Variants in SDCCAG8 observed in about 807,000 individuals in gnomAD.
SDCCAG8 encodes serologically defined colon cancer antigen 8.
In SDCCAG8, 74 loss-of-function variants were observed where a neutral mutation model predicts 101.8. That is an observed-to-expected ratio of 0.73 (90% CI 0.60 to 0.88). The LOEUF (loss-of-function observed/expected upper bound fraction) is 0.88. Ranked by LOEUF, SDCCAG8 falls within the 40% of genes least tolerant of loss-of-function variation. The pLI, the probability that SDCCAG8 is intolerant of heterozygous loss-of-function variation, is 0.00. For synonymous variants in SDCCAG8, 281 were observed against 292.9 expected, an observed-to-expected ratio of 0.96 and a Z score of 0.41; for missense variants, 787 against 822.6, an observed-to-expected ratio of 0.96 and a Z score of 0.53.
intron 5 of SDCCAG8, among the ~76,000 whole-genome samples, chr1:243,286,791 G>A (rs1352138940): frequency 6.6e-6 from 1 of 152,188 alleles, no homozygotes; most frequent in Non-Finnish European, 1.5e-5. Context: ...GCTGCATGAT[G>A]TAGCAGAAAA....
intron 13 of SDCCAG8, among the ~76,000 whole-genome samples, chr1:243,406,256 G>C (rs1303474028): frequency 6.6e-6 from 1 of 152,190 alleles, no homozygotes; most frequent in East Asian, 1.9e-4. Context: ...TTATTATTTA[G>C]GGTGATGAAT....
At chr1:243,483,670 C>T (rs1022567040) in intron 16 of SDCCAG8, among the ~76,000 whole-genome samples, 2 of 152,168 alleles carry the variant, frequency 1.3e-5, no homozygotes, top group South Asian at 4.1e-4. Context: ...CTCCGCAGGG[C>T]GCTCCGCCAC....
chr1:243,330,955 C>T (rs1357128774), intron 10 of SDCCAG8, among the ~76,000 whole-genome samples: 1 of 152,142 alleles, frequency 6.6e-6, no homozygotes, highest in Non-Finnish European at 1.5e-5. Context: ...TTAAATCCTG[C>T]CATTCTGTTG....
intron 12 of SDCCAG8, among the ~76,000 whole-genome samples, chr1:243,361,207 G>A (rs1049597063): frequency 6.6e-6 from 1 of 152,164 alleles, no homozygotes; most frequent in Non-Finnish European, 1.5e-5. Context: ...GGTTCTCTGG[G>A]ATATCCTGTG....
intron 13 of SDCCAG8, among the ~76,000 whole-genome samples, chr1:243,415,350 T>C (rs1338751147): frequency 1.3e-5 from 2 of 152,158 alleles, no homozygotes; most frequent in East Asian, 1.9e-4. Context: ...TTCCAGTATC[T>C]CTGGGAAAGA....
chr1:243,435,289 T>C (rs954403305), intron 16 of SDCCAG8, among the ~76,000 whole-genome samples: 1 of 152,230 alleles, frequency 6.6e-6, no homozygotes. Context: ...CATGGGCTAA[T>C]TCCTTAATCT....
chr1:243,284,573 T>C (rs1481165220), intron 4 of SDCCAG8, among the ~76,000 whole-genome samples: 1 of 152,118 alleles, frequency 6.6e-6, no homozygotes, highest in Non-Finnish European at 1.5e-5. Context: ...TTAGACGAGA[T>C]AGCTAGAGGA....
intron 1 of SDCCAG8, among the ~76,000 whole-genome samples, chr1:243,263,938 G>C (rs550175217): frequency 6.6e-6 from 1 of 152,288 alleles, no homozygotes; most frequent in South Asian, 2.1e-4. Flanking sequence ...CTGAGGCCCA[G>C]TCAAGTGTAG....
chr1:243,397,495 A>T (rs930390953), intron 13 of SDCCAG8, among the ~76,000 whole-genome samples: 5 of 152,222 alleles, frequency 3.3e-5, no homozygotes, highest in East Asian at 1.9e-4. Flanking sequence ...TTAACGTTCC[A>T]TTCAAATTTA....
chr1:243,266,310 T>C (rs1484163170), intron 1 of SDCCAG8, among the ~76,000 whole-genome samples: 2 of 150,934 alleles, frequency 1.3e-5, no homozygotes, highest in Non-Finnish European at 2.9e-5. Flanking sequence ...ACTGAATTTT[T>C]TTTTCTTTTT....
intron 16 of SDCCAG8, among the ~76,000 whole-genome samples, chr1:243,447,248 CAAAAAA>C (rs397830130): frequency 9.7e-5 from 4 of 41,380 alleles, no homozygotes; most frequent in African/African-American, 1.3e-4. Flanking sequence ...GACTTCGTCT[CAAAAAA>C]AAAAAAAAAA....
chr1:243,495,260 C>T (rs1440800396), intron 17 of SDCCAG8, among the ~76,000 whole-genome samples: 1 of 152,184 alleles, frequency 6.6e-6, no homozygotes, highest in Non-Finnish European at 1.5e-5. Context: ...CCTCCCTCTC[C>T]CCGCCAAGTC....
At chr1:243,395,930 C>T (rs753678039) in intron 13 of SDCCAG8, among the ~76,000 whole-genome samples, 139 of 151,994 alleles carry the variant, frequency 9.1e-4, no homozygotes, top group Non-Finnish European at 6.8e-4. Flanking sequence ...TTACTTGATA[C>T]AAGCATCTGC....
At chr1:243,382,384 A>G (rs947423984) in intron 13 of SDCCAG8, among the ~76,000 whole-genome samples, 17 of 152,210 alleles carry the variant, frequency 1.1e-4, no homozygotes, top group African/African-American at 3.4e-4. Context: ...TTGTGTGACC[A>G]TTAACTAAGA....
At chr1:243,343,980 T>G (rs974221105) in intron 11 of SDCCAG8, among the ~76,000 whole-genome samples, 2 of 152,246 alleles carry the variant, frequency 1.3e-5, no homozygotes, top group African/African-American at 4.8e-5. Context: ...ATTACTTAAA[T>G]TCCTTAGTTA....
chr1:243,336,411 C>A (rs2075014099), intron 10 of SDCCAG8, among the ~76,000 whole-genome samples: 1 of 152,072 alleles, frequency 6.6e-6, no homozygotes, highest in Admixed American at 6.6e-5. Flanking sequence ...TAAAGAAATA[C>A]CTGAAACTGG....
At chr1:243,343,464 C>T (rs1436173830) in intron 11 of SDCCAG8, among the ~76,000 whole-genome samples, 1 of 152,200 alleles carries the variant, frequency 6.6e-6, no homozygotes, top group Non-Finnish European at 1.5e-5. Context: ...AAACAAAGTT[C>T]TTAGTGTTAA....
At chr1:243,269,610 C>T (rs973213846) in intron 1 of SDCCAG8, among the ~76,000 whole-genome samples, 1 of 151,920 alleles carries the variant, frequency 6.6e-6, no homozygotes, top group African/African-American at 2.4e-5. Context: ...ATGTGGATGT[C>T]TCTTGGTGGG....
In SDCCAG8 at chr1:243,280,572, C is replaced by T. The variant is rs149222165; in HGVS notation, c.421-5700C>T. ...TCTTCTTTTCTAATTTTTTTACACT[C>T]CTTTTGCTGCATCCTTTTAATAAGT... On this transcript the variant is annotated intron_variant, in intron 4 of 17. Transcript: ENST00000366541. Among the ~76,000 whole-genome samples, 51 of 152,146 alleles carry T rather than the reference C, an allele frequency of 3.4e-4. 1 individual carries two copies. In the East Asian group the frequency reaches 6.9e-3, roughly 21 times the overall value.
Sources: gnomAD v4.1 joint callset for allele counts (sites outside exome capture counted in the v4.1 genomes callset) on GRCh38, gnomAD v4.1.1 for gene constraint, MANE v1.5 for transcripts, NCBI Gene and HGNC (gene_info 2026-07-23, HGNC 2026-07-21) for gene names.